DLG2: variants seen among roughly 807,000 people sequenced by gnomAD.
The protein encoded by DLG2 is disks large homolog 2.
DLG2 carries 45 observed loss-of-function variants against 132.5 expected under a neutral mutation model. The observed-to-expected ratio is 0.34, with a 90% CI of 0.27 to 0.44. The LOEUF (loss-of-function observed/expected upper bound fraction) is 0.44, where lower values mean the gene tolerates loss of function less well. Among genes scored for constraint, DLG2 ranks in the 20% least tolerant of loss-of-function variants. DLG2 has a pLI of 1.00. For synonymous variants in DLG2, 424 were observed against 419.6 expected (o/e 1.01, Z -0.13); for missense variants, 1,045 against 1,196.9 (o/e 0.87, Z 1.87).
chr11:85,145,946 G>A (rs1052877913), intron 5 of DLG2, among the ~76,000 whole-genome samples: 3 of 152,084 alleles, frequency 2.0e-5, no homozygotes, highest in South Asian at 2.1e-4. Context: ...TAAGCTTGCA[G>A]TCTCAGCTTG....
chr11:83,992,460 C>T (rs533614128), intron 11 of DLG2, among the ~76,000 whole-genome samples: 1 of 152,056 alleles, frequency 6.6e-6, no homozygotes, highest in African/African-American at 2.4e-5. Context: ...AACAATGAAC[C>T]AAGAAAATAA....
At chr11:84,127,663 G>A (rs913213680) in intron 9 of DLG2, among the ~76,000 whole-genome samples, 2 of 152,012 alleles carry the variant, frequency 1.3e-5, no homozygotes, top group East Asian at 3.9e-4. Context: ...CCAACTCCTG[G>A]GCTCAAACTA....
chr11:84,945,619 C>T (rs189119467), intron 6 of DLG2, among the ~76,000 whole-genome samples: 128 of 152,336 alleles, frequency 8.4e-4, no homozygotes, highest in African/African-American at 3.0e-3. Context: ...GACAGAAATC[C>T]AGCTAGGCTT....
At chr11:83,771,338 T>C (rs1219714495) in intron 18 of DLG2, among the ~76,000 whole-genome samples, 1 of 152,244 alleles carries the variant, frequency 6.6e-6, no homozygotes, top group Non-Finnish European at 1.5e-5. Flanking sequence ...AGAATGCCTA[T>C]TTTTAAGAAA....
Position 85,264,678 on chromosome 11 carries a change from T to C in DLG2, c.186+20542A>G, listed in dbSNP as rs1226888031. Among the ~76,000 whole-genome samples the C allele has an allele frequency of 2.6e-5, 4 of 152,142 alleles. No individual in the cohort carries two copies. The South Asian group carries it at 6.2e-4, about 24-fold the overall frequency. ...CCAAGATAACAGCACCGTATCCACA[T>C]GGAACCTCCCAACCACCCCAGGAGT... On this transcript the variant is annotated intron_variant, in intron 4 of 27. Coordinates refer to ENST00000376104, the MANE Select transcript of DLG2 (RefSeq NM_001142699.3).
At chr11:84,719,936 C>G (rs971145331) in intron 6 of DLG2, among the ~76,000 whole-genome samples, 1 of 152,060 alleles carries the variant, frequency 6.6e-6, no homozygotes, top group Non-Finnish European at 1.5e-5. Flanking sequence ...TGGTAGTAAC[C>G]TGAGATGAGT....
At chr11:83,655,845 T>A (rs1246238831) in intron 18 of DLG2, among the ~76,000 whole-genome samples, 1 of 152,234 alleles carries the variant, frequency 6.6e-6, no homozygotes, top group African/African-American at 2.4e-5. Context: ...TGTATTTCTT[T>A]TCCCTGAATT....
At chr11:85,077,642 T>TATAC (rs10686913) in intron 6 of DLG2, among the ~76,000 whole-genome samples, 58,119 of 151,686 alleles carry the variant, frequency 0.38, 11,306 homozygotes, top group South Asian at 0.58. Flanking sequence ...TGTCAAAAGT[T>TATAC]ATAAAAATGA....
intron 3 of DLG2, among the ~76,000 whole-genome samples, chr11:85,490,094 G>A (rs192182940): frequency 7.9e-4 from 120 of 152,102 alleles, no homozygotes; most frequent in African/African-American, 2.7e-3. Context: ...AGGCTGAGGT[G>A]AGAGGATCAA....
At chr11:85,400,823 C>A (rs1410404231) in intron 3 of DLG2, among the ~76,000 whole-genome samples, 2 of 151,244 alleles carry the variant, frequency 1.3e-5, no homozygotes, top group Non-Finnish European at 2.9e-5. Context: ...AGGAGATATA[C>A]CTAATGCTAA....
intron 4 of DLG2, among the ~76,000 whole-genome samples, chr11:85,183,246 C>T (rs1032098053): frequency 2.0e-5 from 3 of 151,828 alleles, no homozygotes; most frequent in Non-Finnish European, 4.4e-5. Context: ...CAGTAGTCTG[C>T]CCTGATTCCC....
rs3793948 is a variant in DLG2, at chr11:83,845,131, G to A, written c.1566-11361C>T. On this transcript the variant is annotated intron_variant, in intron 16 of 27. Transcript: ENST00000376104. The stretch of plus-strand genomic sequence containing the variant: ...ACAACCCAAAAAGGGTCTATTACCC[G>A]TGGAAGTCATATGGGAAGTCTACAG... 1.2e-4 allele frequency among the ~76,000 whole-genome samples: 18 copies of A among 151,788 alleles called. 1 individual carries two copies. In the South Asian group the frequency reaches 3.8e-3, roughly 32 times the overall value.
At chr11:84,912,873 G>A (rs1322060003) in intron 6 of DLG2, among the ~76,000 whole-genome samples, 1 of 152,234 alleles carries the variant, frequency 6.6e-6, no homozygotes, top group Non-Finnish European at 1.5e-5. Context: ...CTTGAACAGA[G>A]AAATGGATGG....
chr11:84,734,128 T>G (rs1376716147), intron 6 of DLG2, among the ~76,000 whole-genome samples: 1 of 152,186 alleles, frequency 6.6e-6, no homozygotes, highest in African/African-American at 2.4e-5. Flanking sequence ...CGGGCTCTTT[T>G]TTGGTTCCAT....
At chr11:84,613,887 G>A (rs2099599664) in intron 6 of DLG2, among the ~76,000 whole-genome samples, 1 of 152,102 alleles carries the variant, frequency 6.6e-6, no homozygotes, top group Non-Finnish European at 1.5e-5. Context: ...ACATCATATG[G>A]TCACCAAGTT....
intron 15 of DLG2, among the ~76,000 whole-genome samples, chr11:83,893,988 C>A (rs1052595898): frequency 7.9e-5 from 12 of 152,218 alleles, no homozygotes; most frequent in African/African-American, 2.9e-4. Flanking sequence ...TGCTCCAAAT[C>A]CTTTCTCCCA....
chr11:84,667,810 A>G (rs2099701489), intron 6 of DLG2, among the ~76,000 whole-genome samples: 1 of 151,876 alleles, frequency 6.6e-6, no homozygotes, highest in South Asian at 2.1e-4. Context: ...GATTAAAGAG[A>G]TTTTTAGTAA....
intron 16 of DLG2, among the ~76,000 whole-genome samples, chr11:83,870,643 T>C (rs2063263673): frequency 6.6e-6 from 1 of 152,198 alleles, no homozygotes; most frequent in Admixed American, 6.5e-5. Flanking sequence ...AACTAGCTCA[T>C]CTAGGTGCTA....
At chr11:85,452,247 T>G (rs185494365) in intron 3 of DLG2, 1 of 152,282 alleles carries the variant, frequency 6.6e-6, no homozygotes, top group Admixed American at 6.5e-5. Context: ...TAGTTGTTTT[T>G]TTTTTTAACT....
Sources: allele counts gnomAD v4.1 joint callset (sites outside exome capture counted in the v4.1 genomes callset), GRCh38; gene constraint gnomAD v4.1.1; transcripts MANE v1.5; gene names NCBI Gene and HGNC (gene_info 2026-07-23, HGNC 2026-07-21).